Variants in CEP85L observed in about 807,000 individuals in gnomAD.
CEP85L encodes centrosomal protein 85L.
A neutral mutation model predicts 100.3 loss-of-function variants in CEP85L; 60 were observed. That is an observed-to-expected ratio of 0.60 (90% confidence interval 0.49 to 0.74). CEP85L has a LOEUF of 0.74. Among genes scored for constraint, CEP85L ranks in the 30% least tolerant of loss-of-function variants. The pLI is 0.00. For missense variants in CEP85L, 973 were observed against 936.2 expected (o/e 1.04, Z -0.51); for synonymous variants, 319 against 322.7 (o/e 0.99, Z 0.12).
chr6:118,530,994 G>A (rs1777259917), intron 3 of CEP85L, among the ~76,000 whole-genome samples: 1 of 151,994 alleles, frequency 6.6e-6, no homozygotes, highest in Non-Finnish European at 1.5e-5. Flanking sequence ...CCTTACAGAA[G>A]TAGAAAAAAC....
At chr6:118,546,671 C>A (rs1200066747) in intron 3 of CEP85L, among the ~76,000 whole-genome samples, 1 of 152,078 alleles carries the variant, frequency 6.6e-6, no homozygotes, top group African/African-American at 2.4e-5. Context: ...GGATTTGAAT[C>A]CTGTCTATTC....
At position 118,463,304 on chromosome 6, in the gene CEP85L, A is replaced by G. The variant is rs977335027; in HGVS notation, c.*2101T>C. 5 of 152,018 alleles carry G rather than the reference A, an allele frequency of 3.3e-5. No homozygotes were observed. The highest frequency in any genetic ancestry group is 1.2e-4 in the African/African-American group (5 of 41,448). 9.4% of individuals were successfully genotyped at this position (152,018 alleles called of 1,614,324 possible). On this transcript the variant is annotated 3_prime_UTR_variant, in exon 13 of 13. Coordinates refer to ENST00000368491, the MANE Select transcript of CEP85L (RefSeq NM_001042475.3). ...ATCCCAAAACATACACTAAAAATCT[A>G]GGAGAGATATTTAAGTAAGAACCTA...
At chr6:118,483,558 A>G (rs1182602959) in intron 7 of CEP85L, 148 bp downstream of exon 7, 4 of 651,876 alleles carry the variant, frequency 6.1e-6, no homozygotes, top group Non-Finnish European at 1.0e-5. Context: ...CTACTTATGC[A>G]TGCTTAGATA....
At chr6:118,691,307 C>T (rs533033212) in intron 1 of CEP85L, among the ~76,000 whole-genome samples, 7 of 151,326 alleles carry the variant, frequency 4.6e-5, no homozygotes, top group South Asian at 2.1e-4. Context: ...CCAAGGCGGG[C>T]GGATCACCTG....
intron 1 of CEP85L, among the ~76,000 whole-genome samples, chr6:118,686,384 C>G (rs574599166): frequency 1.3e-5 from 2 of 152,262 alleles, no homozygotes; most frequent in African/African-American, 4.8e-5. Context: ...TCTTTGTTCT[C>G]ACTCCCAGTC....
intron 1 of CEP85L, chr6:118,646,986 T>C: frequency 2.0e-6 from 2 of 985,332 alleles, no homozygotes; most frequent in Non-Finnish European, 2.4e-6. Context: ...TTAATCAAGT[T>C]CATTTCACCA....
intron 1 of CEP85L, among the ~76,000 whole-genome samples, chr6:118,641,323 C>T (rs758005603): frequency 6.6e-5 from 10 of 152,164 alleles, no homozygotes. Context: ...AGCTTTCTAT[C>T]TCTATGATCT....
intron 1 of CEP85L, among the ~76,000 whole-genome samples, chr6:118,690,997 AG>A (rs1777021751): frequency 6.6e-6 from 1 of 151,180 alleles, no homozygotes. Flanking sequence ...ACCCTGTCTC[AG>A]GAAAAAAAAA....
intron 1 of CEP85L, among the ~76,000 whole-genome samples, chr6:118,659,308 GAT>G (rs1390400237): frequency 6.6e-6 from 1 of 151,978 alleles, no homozygotes; most frequent in South Asian, 2.1e-4. Context: ...ATTATGAAAA[GAT>G]ATATATATGA....
At chr6:118,648,560 T>C (rs1054230728) in intron 1 of CEP85L, among the ~76,000 whole-genome samples, 80 of 151,954 alleles carry the variant, frequency 5.3e-4, no homozygotes, top group African/African-American at 1.9e-3. Context: ...GGTAACACGG[T>C]GAAACCCCGT....
chr6:118,500,299 G>T (rs1306773575), intron 5 of CEP85L, among the ~76,000 whole-genome samples: 1 of 152,142 alleles, frequency 6.6e-6, no homozygotes, highest in East Asian at 1.9e-4. Flanking sequence ...GACCAACTCA[G>T]CATTCCACTG....
intron 1 of CEP85L, among the ~76,000 whole-genome samples, chr6:118,692,375 A>G (rs1374486043): frequency 2.0e-5 from 3 of 152,138 alleles, no homozygotes; most frequent in Non-Finnish European, 4.4e-5. Flanking sequence ...CTATATGTCC[A>G]TATATGGGAC....
chr6:118,578,422 G>T (rs1359460345), intron 2 of CEP85L, among the ~76,000 whole-genome samples: 1 of 152,226 alleles, frequency 6.6e-6, no homozygotes, highest in Non-Finnish European at 1.5e-5. Flanking sequence ...CACAGAAACA[G>T]GAACTGTGTT....
intron 1 of CEP85L, among the ~76,000 whole-genome samples, chr6:118,700,945 C>G (rs1361564340): frequency 6.6e-6 from 1 of 152,168 alleles, no homozygotes; most frequent in African/African-American, 2.4e-5. Context: ...TTCTCTTGTT[C>G]TGCTCTCTGG....
intron 2 of CEP85L, among the ~76,000 whole-genome samples, chr6:118,577,041 G>A (rs1328286118): frequency 6.6e-6 from 1 of 152,112 alleles, no homozygotes; most frequent in African/African-American, 2.4e-5. Flanking sequence ...GGGCAGTAAG[G>A]CATGTCAAAC....
chr6:118,475,377 C>CG (rs1773289088), intron 10 of CEP85L, among the ~76,000 whole-genome samples: 1 of 116,214 alleles, frequency 8.6e-6, no homozygotes, highest in African/African-American at 3.4e-5. Context: ...TTTTTTGAGA[C>CG]GAGTCTCGCT....
At chr6:118,574,776 G>A (rs754327704) in intron 2 of CEP85L, among the ~76,000 whole-genome samples, 7 of 152,226 alleles carry the variant, frequency 4.6e-5, no homozygotes, top group Non-Finnish European at 8.8e-5. Flanking sequence ...GGACATCCTG[G>A]AGGTTGAAAG....
chr6:118,616,978 A>T (rs1176462399), intron 2 of CEP85L, among the ~76,000 whole-genome samples: 2 of 151,380 alleles, frequency 1.3e-5, no homozygotes, highest in Non-Finnish European at 2.9e-5. Context: ...GGAGGGGATC[A>T]CTTGAGCCCA....
intron 2 of CEP85L, among the ~76,000 whole-genome samples, chr6:118,620,242 A>G (rs1483412311): frequency 1.3e-5 from 2 of 152,346 alleles, no homozygotes; most frequent in East Asian, 3.9e-4. Flanking sequence ...AGAAAACTCC[A>G]AAAGTCTGCC....
Sources: gnomAD v4.1 joint callset for allele counts (sites outside exome capture counted in the v4.1 genomes callset) on GRCh38, gnomAD v4.1.1 for gene constraint, MANE v1.5 for transcripts, NCBI Gene and HGNC (gene_info 2026-07-23, HGNC 2026-07-21) for gene names.